The following ACTL8 variants were observed in gnomAD, a reference collection of about 807,000 sequenced individuals.
ACTL8 encodes the protein actin like 8, also known as actin-like protein 8.
In ACTL8, 3 loss-of-function variants were observed where a neutral mutation model predicts 9.3. That is an observed-to-expected ratio of 0.32 (90% CI 0.15 to 0.83). The LOEUF (loss-of-function observed/expected upper bound fraction) is 0.83, where lower values mean the gene tolerates loss of function less well. ACTL8 is among the 40% of genes least tolerant of loss of function. The pLI is 0.57. For synonymous variants in ACTL8, 224 were observed against 205.9 expected (o/e 1.09, Z -0.75); for missense variants, 381 against 492.2 (o/e 0.77, Z 2.14).
At chr1:17,786,458 T>G (rs2066198242) in intron 1 of ACTL8, among the ~76,000 whole-genome samples, 1 of 152,226 alleles carries the variant, frequency 6.6e-6, no homozygotes, top group African/African-American at 2.4e-5. Flanking sequence ...GATGTCTGTT[T>G]GTCTTGTGGT....
In ACTL8 at chr1:17,767,621, T is replaced by G. The variant is rs1410455623; in HGVS notation, c.-25+12117T>G. Among the ~76,000 whole-genome samples, 4 of 152,154 alleles carry G rather than the reference T, an allele frequency of 2.6e-5. No homozygotes were observed. The highest frequency in any genetic ancestry group is 9.7e-5 in the African/African-American group (4 of 41,426). The stretch of plus-strand genomic sequence containing the variant: ...TGGTTATTTGGTGCGCAGTAAGCCC[T>G]TTGCTTTTTGGGTATTGACTGTAGA... On this transcript the variant is annotated intron_variant, in intron 1 of 2. Coordinates refer to ENST00000375406, the MANE Select transcript of ACTL8 (RefSeq NM_030812.3). The surrounding 1 kb of genome is among the most constrained non-coding windows in gnomAD (Gnocchi z 4.7).
At chr1:17,822,761 G>A (rs1464742107) in intron 1 of ACTL8, among the ~76,000 whole-genome samples, 2 of 152,130 alleles carry the variant, frequency 1.3e-5, no homozygotes, top group East Asian at 3.9e-4. Context: ...GGAGGGGTGG[G>A]GGCCACTTCC....
In ACTL8 at chr1:17,823,518, A is replaced by T. The variant is rs886530097; in HGVS notation, c.348+162A>T. On this transcript the variant is annotated intron_variant, in intron 2 of 2. Coordinates refer to ENST00000375406, the MANE Select transcript of ACTL8 (RefSeq NM_030812.3). This position sits in a 1 kb window ranked among gnomAD's most constrained non-coding sequence, Gnocchi z 5.3. ...AACACTTTGGGACTCCCAGGCAGGC[A>T]GATTGCTTGAGCCCAGGAGTTCAGG... Among the ~76,000 whole-genome samples, 14 of 152,146 alleles carry T rather than the reference A, an allele frequency of 9.2e-5. No individual in the cohort carries two copies. Among genetic ancestry groups the T allele is most frequent in the African/African-American group, 3.4e-4 (14 of 41,434 alleles).
rs1457359220 is a variant in ACTL8 at position 17,825,950 on chromosome 1, C to T, written c.532C>T (p.Gln178Ter). 2.5e-6 allele frequency: 4 copies of T among 1,611,058 alleles called. No individual in the cohort carries two copies. The African/African-American group carries it at 4.0e-5, about 16-fold the overall frequency. ...CGGCAAGACGCTGGAGTTCGCCGGC[C>T]AGGATCTCTCCGCCTATCTCCTCAA... ...ASGKTLEFAG[Q>*]DLSAYLLKSL... The change falls in exon 3 of 3, where the codon CAG becomes TAG. Residue 178 changes from glutamine (Q) to a stop codon, truncating the protein, a stop_gained. Transcript: ENST00000375406. LOFTEE classifies it low-confidence loss of function (END_TRUNC).
In ACTL8 at chr1:17,767,441, G is replaced by C. The variant is rs1557427986; in HGVS notation, c.-25+11937G>C. Among the ~76,000 whole-genome samples, 1 of 152,064 alleles carries C rather than the reference G, an allele frequency of 6.6e-6. No homozygotes were observed. Among genetic ancestry groups the C allele is most frequent in the Non-Finnish European group, 1.5e-5 (1 of 68,008 alleles). On this transcript the variant is annotated intron_variant, in intron 1 of 2. Coordinates refer to ENST00000375406, the MANE Select transcript of ACTL8 (RefSeq NM_030812.3). The surrounding 1 kb of genome is among the most constrained non-coding windows in gnomAD (Gnocchi z 4.7). ...TCTAAAGAGTCTCTTCTTAGATATC[G>C]CTCTCTTCCCTTTCCTCCCGGACTG...
At chr1:17,783,846 C>G (rs1250911460) in intron 1 of ACTL8, among the ~76,000 whole-genome samples, 1 of 152,184 alleles carries the variant, frequency 6.6e-6, no homozygotes, top group African/African-American at 2.4e-5. Flanking sequence ...ATATCTTGGG[C>G]CCTTGGCTGA....
At chr1:17,795,939 A>G (rs997256036) in intron 1 of ACTL8, among the ~76,000 whole-genome samples, 3 of 152,202 alleles carry the variant, frequency 2.0e-5, no homozygotes, top group African/African-American at 7.2e-5. Context: ...AGCATTGCTC[A>G]GCATCTCATT....
chr1:17,810,904 G>T lies in ACTL8; in HGVS notation c.-24-12081G>T, dbSNP rs139074753. ...ACAGTTTGTTCATTTACCAGCTGAA[G>T]AACATTTGGGTTGTTTAGTGATTAT... On this transcript the variant is annotated intron_variant, in intron 1 of 2. Coordinates refer to ENST00000375406, the MANE Select transcript of ACTL8 (RefSeq NM_030812.3). Among the ~76,000 whole-genome samples the T allele has an allele frequency of 2.7e-3, 411 of 152,318 alleles. 2 individuals carry two copies. The highest frequency in any genetic ancestry group is 7.7e-3 in the African/African-American group (318 of 41,568).
intron 1 of ACTL8, among the ~76,000 whole-genome samples, chr1:17,781,284 A>G (rs905990464): frequency 1.3e-5 from 2 of 149,222 alleles, no homozygotes; most frequent in African/African-American, 5.0e-5. Flanking sequence ...CCTGTCACCC[A>G]GGCTGGAGTA....
At chr1:17,758,066 A>G (rs895239163) in intron 1 of ACTL8, among the ~76,000 whole-genome samples, 8 of 152,228 alleles carry the variant, frequency 5.3e-5, no homozygotes, top group Non-Finnish European at 7.3e-5. Flanking sequence ...AGACATAGAG[A>G]GATCCATTAG....
intron 1 of ACTL8, among the ~76,000 whole-genome samples, chr1:17,766,376 C>T (rs1039044280): frequency 3.9e-5 from 6 of 152,102 alleles, no homozygotes; most frequent in East Asian, 2.0e-4. Context: ...AATTGTACAG[C>T]GTATGAGTGG....
At chr1:17,791,043 C>T (rs1259220103) in intron 1 of ACTL8, among the ~76,000 whole-genome samples, 2 of 152,144 alleles carry the variant, frequency 1.3e-5, no homozygotes, top group African/African-American at 4.8e-5. Flanking sequence ...GGGAGGGGGC[C>T]TTCCTGGGCC....
At chr1:17,774,492 C>G (rs767462945) in intron 1 of ACTL8, among the ~76,000 whole-genome samples, 43 of 152,216 alleles carry the variant, frequency 2.8e-4, no homozygotes, top group Non-Finnish European at 5.3e-4. Context: ...GAAAATTCAA[C>G]TCCTCAGGGG....
chr1:17,770,795 A>T (rs2066077418), intron 1 of ACTL8, among the ~76,000 whole-genome samples: 1 of 152,122 alleles, frequency 6.6e-6, no homozygotes, highest in Admixed American at 6.5e-5. Context: ...TATAGTCAGG[A>T]AAGGGAAGTG....
At chr1:17,757,440 A>G (rs2065975546) in intron 1 of ACTL8, among the ~76,000 whole-genome samples, 1 of 152,188 alleles carries the variant, frequency 6.6e-6, no homozygotes, top group South Asian at 2.1e-4. Flanking sequence ...GACTCTGATG[A>G]AACTGACAAT....
At chr1:17,761,155 T>G (rs2065999591) in intron 1 of ACTL8, among the ~76,000 whole-genome samples, 1 of 149,878 alleles carries the variant, frequency 6.7e-6, no homozygotes, top group African/African-American at 2.5e-5. Flanking sequence ...TTTTTTTTTT[T>G]GGTAGAGACA....
chr1:17,811,140 T>C (rs894158788), intron 1 of ACTL8, among the ~76,000 whole-genome samples: 7 of 152,226 alleles, frequency 4.6e-5, no homozygotes, highest in African/African-American at 1.7e-4. Context: ...CCTTGTTAGC[T>C]CTTGGTATTG....
At chr1:17,775,179 T>C (rs180907695) in intron 1 of ACTL8, among the ~76,000 whole-genome samples, 18 of 152,300 alleles carry the variant, frequency 1.2e-4, no homozygotes, top group Admixed American at 1.0e-3. Context: ...TGAGGCCAGA[T>C]GGTGCAGGGG....
chr1:17,812,579 G>C lies in ACTL8; in HGVS notation c.-24-10406G>C, dbSNP rs1248600981. On this transcript the variant is annotated intron_variant, in intron 1 of 2. Coordinates refer to ENST00000375406, the MANE Select transcript of ACTL8 (RefSeq NM_030812.3). The stretch of plus-strand genomic sequence containing the variant: ...CAAGAAGCTGCGACTACAGGCGTAC[G>C]CCACCACGCCCTGTCAATTTTTTTT... 2.7e-5 allele frequency among the ~76,000 whole-genome samples: 4 copies of C among 149,574 alleles called. No individual in the cohort carries two copies. In the Admixed American group the frequency reaches 2.7e-4, roughly 10 times the overall value.
Sources: allele counts gnomAD v4.1 joint callset (sites outside exome capture counted in the v4.1 genomes callset), GRCh38; gene constraint gnomAD v4.1.1; non-coding constraint Gnocchi (gnomAD v3.1); transcripts MANE v1.5; gene names NCBI Gene and HGNC (gene_info 2026-07-23, HGNC 2026-07-21).